PLCE1: variants seen among roughly 807,000 people sequenced by gnomAD.
PLCE1 encodes the protein 1-phosphatidylinositol 4,5-bisphosphate phosphodiesterase epsilon-1.
In PLCE1, 119 loss-of-function variants were observed where a neutral mutation model predicts 242.8. That is an observed-to-expected ratio of 0.49 (90% CI 0.42 to 0.57). The LOEUF is 0.57. PLCE1 is among the 20% of genes least tolerant of loss of function. The pLI is 0.00. For missense variants in PLCE1, 2,441 were observed against 2,788.8 expected (o/e 0.88, Z 2.81); for synonymous variants, 945 against 1,017.4 (o/e 0.93, Z 1.35).
At chr10:94,047,343 A>G (rs1002811879) in intron 2 of PLCE1, among the ~76,000 whole-genome samples, 2 of 152,152 alleles carry the variant, frequency 1.3e-5, no homozygotes, top group African/African-American at 2.4e-5. Context: ...TTGTCTCCCT[A>G]CCAGTGAGAA....
intron 5 of PLCE1, among the ~76,000 whole-genome samples, chr10:94,229,340 C>G (rs2050064991): frequency 6.6e-6 from 1 of 152,190 alleles, no homozygotes; most frequent in Non-Finnish European, 1.5e-5. Flanking sequence ...GGCCAGGGAC[C>G]TTGCTTCCTG....
chr10:94,231,047 A>G (rs2050126841), intron 5 of PLCE1, among the ~76,000 whole-genome samples: 1 of 152,234 alleles, frequency 6.6e-6, no homozygotes, highest in Non-Finnish European at 1.5e-5. Context: ...ACTGAAAGAA[A>G]ATATACCTAA....
In PLCE1 at chr10:94,329,776, CAAAAAAAAAAAAAAAAAA is replaced by C. The variant is rs71031569; in HGVS notation, c.*1851_*1868del. 22 of 37,950 alleles carry C rather than the reference CAAAAAAAAAAAAAAAAAA, an allele frequency of 5.8e-4. No individual in the cohort carries two copies. The highest frequency in any genetic ancestry group is 2.1e-3 in the Admixed American group (4 of 1,894). 2.4% of individuals were successfully genotyped at this position (37,950 alleles called of 1,614,324 possible). On this transcript the variant is annotated 3_prime_UTR_variant, in exon 33 of 33. Transcript: ENST00000371380. Reference sequence around the variant, plus strand: ...CTGGTGACAGAGCGAGACTCCGTCTCAAAAAAAAAAAAAAAAAAAAAAAAAAAAAAAAAAACACCATAC... The same window carrying C: ...CTGGTGACAGAGCGAGACTCCGTCTCAAAAAAAAAAAAAAAAACACCATAC...
intron 28 of PLCE1, 44 bp from the exon 29 acceptor site, chr10:94,316,502 TA>T: frequency 1.6e-6 from 2 of 1,250,854 alleles, no homozygotes; most frequent in Non-Finnish European, 2.3e-6. Context: ...TGATTTGTTT[TA>T]AGTTTTTGCC....
At chr10:93,998,521 G>A (rs1024845825) in intron 1 of PLCE1, among the ~76,000 whole-genome samples, 1 of 152,176 alleles carries the variant, frequency 6.6e-6, no homozygotes, top group African/African-American at 2.4e-5. Context: ...GGTTTACCTA[G>A]TACAACCTTG....
intron 2 of PLCE1, chr10:94,089,258 T>A: frequency 1.2e-6 from 2 of 1,614,054 alleles, no homozygotes; most frequent in Non-Finnish European, 1.7e-6. Flanking sequence ...GGCTGTCAGC[T>A]GTGGCTTTGC....
intron 22 of PLCE1, among the ~76,000 whole-genome samples, chr10:94,285,860 G>A (rs1422387397): frequency 6.6e-6 from 1 of 152,122 alleles, no homozygotes; most frequent in African/African-American, 2.4e-5. Flanking sequence ...AAGTACAGTG[G>A]ACAGGCTGAT....
chr10:94,164,923 A>G (rs1204642992), intron 3 of PLCE1, among the ~76,000 whole-genome samples: 3 of 152,214 alleles, frequency 2.0e-5, no homozygotes, highest in Non-Finnish European at 4.4e-5. Flanking sequence ...TTGCCTGGGT[A>G]TCAGCACCAG....
Position 94,133,221 on chromosome 10 carries a change from G to GCCAT in PLCE1, c.1492+764_1492+767dup, listed in dbSNP as rs559481697. Among the ~76,000 whole-genome samples the GCCAT allele has an allele frequency of 2.4e-4, 36 of 152,194 alleles. No individual in the cohort carries two copies. In the South Asian group the frequency reaches 7.5e-3, roughly 32 times the overall value. On this transcript the variant is annotated intron_variant, in intron 3 of 32. Coordinates refer to ENST00000371380, the MANE Select transcript of PLCE1 (RefSeq NM_016341.4). ...TGTCTATTGACCAGAAAAGCCAAAG[G>GCCAT]CCATCTTCCAGCTACTCCCATCTTA... is the stretch of plus-strand genomic sequence containing the variant.
intron 2 of PLCE1, among the ~76,000 whole-genome samples, chr10:94,123,612 C>T (rs1028144309): frequency 6.6e-6 from 1 of 152,242 alleles, no homozygotes; most frequent in Non-Finnish European, 1.5e-5. Flanking sequence ...AACAGCCTCA[C>T]TGTTTTTGTT....
chr10:94,330,289 G>C lies in PLCE1; in HGVS notation c.*2346G>C, dbSNP rs1021322632. ...GAGAATCCAGCCTACTGCCTAGGTTGCATCCCAATTTAGTTGTTTATCACA... is the reference window on the plus strand; with the variant it reads ...GAGAATCCAGCCTACTGCCTAGGTTCCATCCCAATTTAGTTGTTTATCACA... On this transcript the variant is annotated 3_prime_UTR_variant, in exon 33 of 33. Transcript: ENST00000371380. The C allele has an allele frequency of 1.3e-5, 2 of 152,246 alleles. No individual in the cohort carries two copies. The highest frequency in any genetic ancestry group is 2.9e-5 in the Non-Finnish European group (2 of 68,054). 9.4% of individuals were successfully genotyped at this position (152,246 alleles called of 1,614,324 possible).
chr10:94,176,877 CAA>C (rs1197668635), intron 4 of PLCE1, among the ~76,000 whole-genome samples: 1 of 152,028 alleles, frequency 6.6e-6, no homozygotes, highest in Non-Finnish European at 1.5e-5. Flanking sequence ...AGGTGGGTGA[CAA>C]GAGCTCATTC....
chr10:94,190,085 C>T (rs1564772084), intron 4 of PLCE1, among the ~76,000 whole-genome samples: 1 of 152,104 alleles, frequency 6.6e-6, no homozygotes, highest in African/African-American at 2.4e-5. Context: ...AAGTTCGAGA[C>T]CAGCCTGGGC....
At chr10:94,004,753 G>T (rs901808852) in intron 1 of PLCE1, among the ~76,000 whole-genome samples, 2 of 152,094 alleles carry the variant, frequency 1.3e-5, no homozygotes, top group Admixed American at 6.5e-5. Flanking sequence ...TCACTCCCCT[G>T]TGTCAGGCAT....
chr10:94,136,256 A>T (rs2046771117), intron 3 of PLCE1, among the ~76,000 whole-genome samples: 1 of 152,118 alleles, frequency 6.6e-6, no homozygotes, highest in Non-Finnish European at 1.5e-5. Flanking sequence ...ATGGGGAGTT[A>T]GTGTTTACGG....
Position 94,246,607 on chromosome 10 carries a change from G to A in PLCE1, c.3082G>A (p.Val1028Ile), listed in dbSNP as rs201933093. 3.7e-5 allele frequency: 59 copies of A among 1,613,728 alleles called. No individual in the cohort carries two copies. The Middle Eastern group carries it at 6.6e-4, about 18-fold the overall frequency. Residue 1028 changes from valine to isoleucine, a missense_variant, in exon 8 of 33, where the codon GTC (valine) becomes ATC (isoleucine). Val to Ile is a conservative substitution (Grantham distance 29). Coordinates refer to ENST00000371380, the MANE Select transcript of PLCE1 (RefSeq NM_016341.4). The part of the protein sequence containing the change: ...QRQQWLRKQY[V>I]SLYQEDGRYE... ...ACAGCAGTGGCTGCGGAAACAGTAC[G>A]TCAGCCTTTATCAGGTAAGGGGTGC...
At chr10:94,234,980 G>A (rs548242378) in intron 6 of PLCE1, among the ~76,000 whole-genome samples, 11 of 152,064 alleles carry the variant, frequency 7.2e-5, no homozygotes, top group South Asian at 2.1e-4. Flanking sequence ...ACTTTATGGA[G>A]ATTTTGAGAA....
intron 11 of PLCE1, among the ~76,000 whole-genome samples, chr10:94,257,309 A>G (rs1564835899): frequency 1.3e-5 from 2 of 151,656 alleles, no homozygotes; most frequent in Admixed American, 6.6e-5. Context: ...TATTCTCTAT[A>G]CTTTCTTATA....
At chr10:94,104,229 C>G (rs1389303015) in intron 2 of PLCE1, 1 of 152,220 alleles carries the variant, frequency 6.6e-6, no homozygotes, top group African/African-American at 2.4e-5. Flanking sequence ...TAGTAACGTC[C>G]TCTTCACAAC....
Sources: allele counts gnomAD v4.1 joint callset (sites outside exome capture counted in the v4.1 genomes callset), GRCh38; gene constraint gnomAD v4.1.1; transcripts MANE v1.5; gene names NCBI Gene and HGNC (gene_info 2026-07-23, HGNC 2026-07-21).